GATAD1: variants seen among roughly 807,000 people sequenced by gnomAD.
The protein encoded by GATAD1 is GATA zinc finger domain-containing protein 1.
A neutral mutation model predicts 26.5 loss-of-function variants in GATAD1; 12 were observed. That is an observed-to-expected ratio of 0.45 (90% CI 0.29 to 0.73). The LOEUF (loss-of-function observed/expected upper bound fraction) is 0.73. Among genes scored for constraint, GATAD1 ranks in the 30% least tolerant of loss-of-function variants. GATAD1 has a pLI of 0.10. For synonymous variants in GATAD1, 129 were observed against 133.1 expected, an observed-to-expected ratio of 0.97 and a Z score of 0.21; for missense variants, 266 against 342.1, an observed-to-expected ratio of 0.78 and a Z score of 1.75.
the GATAD1 span, among the ~76,000 whole-genome samples, chr7:92,476,834 G>T: frequency 6.6e-6 from 1 of 152,100 alleles, no homozygotes; most frequent in African/African-American, 2.4e-5. Context: ...AGACTCCCTG[G>T]GTTATAGCCT....
chr7:92,479,667 T>C, the GATAD1 span, among the ~76,000 whole-genome samples: 2 of 151,820 alleles, frequency 1.3e-5, no homozygotes, highest in Admixed American at 6.6e-5. Flanking sequence ...TTGGGGGTGG[T>C]ATGGAGAGAT....
At chr7:92,449,673 CT>C (rs768149346) in intron 2 of GATAD1, 71,935 of 695,544 alleles carry the variant, frequency 0.1, 7 homozygotes, top group Non-Finnish European at 0.11. Flanking sequence ...AGACTATTTT[CT>C]TTTTTTTTTT....
chr7:92,456,445 G>A lies in GATAD1; in HGVS notation c.693G>A (p.Lys231=), dbSNP rs771914688. The A allele has an allele frequency of 6.2e-7, 1 of 1,612,754 alleles. No homozygotes were observed. The highest frequency in any genetic ancestry group is 8.5e-7 in the Non-Finnish European group (1 of 1,178,754). The part of the protein sequence containing the change: ...FVCHAPSEYF[K]SRSSPFPTVP... ...GTCATGCACCTTCTGAGTATTTCAA[G>A]TCACGGTCATCACCATTTCCCACAG... The change falls in exon 5 of 5, where the codon AAG becomes AAA. Residue 231 remains lysine (K), a synonymous_variant. Coordinates refer to ENST00000287957, the MANE Select transcript of GATAD1 (RefSeq NM_021167.5).
chr7:92,448,905 A>G, intron 2 of GATAD1, 28 bp downstream of exon 2: 6 of 1,599,900 alleles, frequency 3.8e-6, no homozygotes, highest in Non-Finnish European at 5.1e-6. Flanking sequence ...AGTGCCTTTT[A>G]CTGTAATGAC....
chr7:92,470,040 C>T, the GATAD1 span: 5 of 778,898 alleles, frequency 6.4e-6, no homozygotes, highest in South Asian at 4.0e-5. Flanking sequence ...CCCCATCAGA[C>T]ATACCAGTTT....
the GATAD1 span, chr7:92,487,523 ATTTTGAAAGC>A: frequency 2.5e-6 from 4 of 1,576,884 alleles, no homozygotes; most frequent in Non-Finnish European, 2.6e-6. Context: ...TCCTCTTTGG[ATTTTGAAAGC>A]TTTCATATCT....
chr7:92,450,703 C>T lies in GATAD1; in HGVS notation c.378C>T (p.Pro126=), dbSNP rs1014941169. ...TAATGTTTTTTGTATTTTCATAGCC[C>T]ATCAAAGCTCCTGAGTCAGTTTCCA... ...GRRHIFKLKN[P]IKAPESVSTI... The change falls in exon 3 of 5, where the codon CCC becomes CCT. Residue 126 remains proline (P), a splice_region_variant and synonymous_variant. Coordinates refer to ENST00000287957, the MANE Select transcript of GATAD1 (RefSeq NM_021167.5). The T allele has an allele frequency of 6.2e-6, 10 of 1,602,644 alleles. No homozygotes were observed. The highest frequency in any genetic ancestry group is 1.7e-5 in the Admixed American group (1 of 59,962).
At chr7:92,487,544 G>GA in the GATAD1 span, 2 of 1,460,108 alleles carry the variant, frequency 1.4e-6, no homozygotes, top group Admixed American at 1.7e-5. Context: ...TTTCATATCT[G>GA]AAAAAAGAAA....
intron 3 of GATAD1, 107 bp from the exon 4 acceptor site, chr7:92,454,395 C>A: frequency 1.2e-6 from 1 of 803,520 alleles, no homozygotes. Context: ...CTATCTCGAA[C>A]ACCTTTTACT....
chr7:92,470,223 C>T, the GATAD1 span: 8 of 778,496 alleles, frequency 1.0e-5, no homozygotes, highest in African/African-American at 8.5e-5. Flanking sequence ...TAGAAAGACT[C>T]CTATACGATG....
the GATAD1 span, among the ~76,000 whole-genome samples, chr7:92,466,107 G>C: frequency 1.3e-5 from 2 of 152,300 alleles, no homozygotes; most frequent in Non-Finnish European, 1.5e-5. Flanking sequence ...ATTACAAAAA[G>C]ACTGTTATAC....
At chr7:92,487,406 T>C in the GATAD1 span, 1 of 945,416 alleles carries the variant, frequency 1.1e-6, no homozygotes, top group Admixed American at 2.0e-5. Context: ...TTACAACATA[T>C]GGAAAAGCCA....
chr7:92,447,885 TG>T lies in GATAD1; in HGVS notation c.161del (p.Gly54AlafsTer70). ...CAGGCTCGGGGGCGGCTGGAGGGAC[TG>T]GGGGCAGCGGCGGCGGCGGCTTCGG... ...GAGSGAAGGT[G>X]GSGGGGFGAA... On this transcript the variant is annotated frameshift_variant, in exon 1 of 5. Transcript: ENST00000287957. LOFTEE classifies it high-confidence loss of function. 7.8e-7 allele frequency: 1 copy of T among 1,286,372 alleles called. No individual in the cohort carries two copies. Among genetic ancestry groups the T allele is most frequent in the Non-Finnish European group, 9.8e-7 (1 of 1,016,590 alleles). The allele number at this position is 1,286,372 out of a possible 1,614,324, so 79.7% of individuals were successfully genotyped here. A position where few individuals can be genotyped will look rare whatever the true frequency, so the allele number is the denominator to read the frequency against.
chr7:92,469,037 G>C, the GATAD1 span: 2 of 714,056 alleles, frequency 2.8e-6, no homozygotes, highest in Admixed American at 3.9e-5. Flanking sequence ...AAGAAGGGGA[G>C]AATCCAGGGC....
At chr7:92,472,008 C>T in the GATAD1 span, 28 of 152,306 alleles carry the variant, frequency 1.8e-4, no homozygotes, top group African/African-American at 6.3e-4. Flanking sequence ...CACTGCATAC[C>T]CCACTTTTCG....
chr7:92,449,327 C>G, intron 2 of GATAD1: 1 of 874,726 alleles, frequency 1.1e-6, no homozygotes, highest in Non-Finnish European at 1.4e-6. Context: ...ATGTATCTTA[C>G]TGACTTATGA....
At chr7:92,456,030 G>A (rs1055009794) in intron 4 of GATAD1, among the ~76,000 whole-genome samples, 2 of 152,130 alleles carry the variant, frequency 1.3e-5, no homozygotes, top group Non-Finnish European at 2.9e-5. Flanking sequence ...AGTCTCTCTT[G>A]CCTCACTTTC....
At chr7:92,488,834 A>G in the GATAD1 span, among the ~76,000 whole-genome samples, 1 of 151,966 alleles carries the variant, frequency 6.6e-6, no homozygotes, top group Non-Finnish European at 1.5e-5. Flanking sequence ...CCTGGGTTCA[A>G]GCAATTCTCC....
rs1465825479 is a variant in GATAD1, at chr7:92,456,928, GGA to G, written c.*367_*368del. On this transcript the variant is annotated 3_prime_UTR_variant, in exon 5 of 5. Transcript: ENST00000287957. ...GAGGCAGGCGGATCACCTGAGGTCG[GGA>G]AGTGGATCGCCTGAGGTCAGGAGTT... is the stretch of plus-strand genomic sequence containing the variant. 3.6e-5 allele frequency: 6 copies of G among 164,960 alleles called. No homozygotes were observed. The highest frequency in any genetic ancestry group is 1.4e-4 in the African/African-American group (6 of 41,966). 10.2% of individuals were successfully genotyped at this position (164,960 alleles called of 1,614,324 possible). A position where few individuals can be genotyped will look rare whatever the true frequency, so the allele number is the denominator to read the frequency against.
Sources: allele counts gnomAD v4.1 joint callset (sites outside exome capture counted in the v4.1 genomes callset), GRCh38; gene constraint gnomAD v4.1.1; transcripts MANE v1.5; gene names NCBI Gene and HGNC (gene_info 2026-07-23, HGNC 2026-07-21).